Variants in THADA observed in about 807,000 individuals in gnomAD.
The protein encoded by THADA is tRNA (32-2'-O)-methyltransferase regulator THADA.
THADA carries 213 observed loss-of-function variants against 219.8 expected under a neutral mutation model. That is an observed-to-expected ratio of 0.97 (90% CI 0.87 to 1.09). THADA has a LOEUF of 1.09. Among genes scored for constraint, THADA ranks in the 50% least tolerant of loss-of-function variants. THADA has a pLI of 0.00. For missense variants in THADA, 2,956 were observed against 2,311.3 expected (o/e 1.28, Z -5.72); for synonymous variants, 1,018 against 828.9 (o/e 1.23, Z -3.92).
intron 28 of THADA, among the ~76,000 whole-genome samples, chr2:43,403,758 C>G (rs1350978935): frequency 6.6e-6 from 1 of 152,120 alleles, no homozygotes; most frequent in Non-Finnish European, 1.5e-5. Flanking sequence ...CCCTACTTAA[C>G]CAAGCGGTTT....
At chr2:43,402,094 G>C (rs878969443) in intron 28 of THADA, among the ~76,000 whole-genome samples, 6 of 152,106 alleles carry the variant, frequency 3.9e-5, no homozygotes, top group Admixed American at 1.3e-4. Context: ...AACCCTTGTG[G>C]GGGGAGTTTC....
chr2:43,237,743 T>C (rs143853181), intron 36 of THADA, among the ~76,000 whole-genome samples: 18 of 151,770 alleles, frequency 1.2e-4, no homozygotes, highest in African/African-American at 4.3e-4. Flanking sequence ...GAAGAAAACA[T>C]AGAAGTAAAT....
At chr2:43,383,865 T>C (rs903559108) in intron 29 of THADA, among the ~76,000 whole-genome samples, 4 of 152,228 alleles carry the variant, frequency 2.6e-5, no homozygotes, top group Non-Finnish European at 5.9e-5. Flanking sequence ...CTTAAATTTA[T>C]ACAAAAATAC....
chr2:43,375,048 G>GA lies in THADA; in HGVS notation c.4227+22922dup, dbSNP rs957299600. Among the ~76,000 whole-genome samples, 1,427 of 144,952 alleles carry GA rather than the reference G, an allele frequency of 9.8e-3. 30 individuals carry two copies. Among genetic ancestry groups the GA allele is most frequent in the African/African-American group, 0.033 (1,318 of 39,712 alleles). On this transcript the variant is annotated intron_variant, in intron 29 of 37. Transcript: ENST00000405975. ...CTAATAAATGGTCGTGGACCAAAAA[G>GA]AAAAAAAAAACCAGAAAAACTATGC...
intron 31 of THADA, among the ~76,000 whole-genome samples, chr2:43,301,465 G>A (rs1676257966): frequency 6.6e-6 from 1 of 152,148 alleles, no homozygotes; most frequent in African/African-American, 2.4e-5. Flanking sequence ...AATTAGACCT[G>A]GCTTTGCTCT....
In THADA at chr2:43,541,191, C is replaced by T. The variant is rs188031118; in HGVS notation, c.3232G>A (p.Glu1078Lys). 32 of 1,599,116 alleles carry T rather than the reference C, an allele frequency of 2.0e-5. 1 individual carries two copies. The South Asian group carries it at 3.6e-4, about 18-fold the overall frequency. ...CQLLPMQPVP[E>K]SSDGLLTVEQ... ...ACCGTCAATAATCCATCAGAAGATT[C>T]TGGCACAGGCTGCATGGGCAGAAGC... The change falls in exon 21 of 38, where the codon GAA becomes AAA. Residue 1078 changes from glutamate (E) to lysine (K), a missense_variant. Physicochemically the swap from Glu to Lys is moderately conservative, Grantham distance 56 (BLOSUM62 1). Coordinates refer to ENST00000405975, the MANE Select transcript of THADA (RefSeq NM_022065.5).
chr2:43,428,220 T>C lies in THADA; in HGVS notation c.3938A>G (p.Glu1313Gly). 6.3e-7 allele frequency: 1 copy of C among 1,598,616 alleles called. No individual in the cohort carries two copies. The highest frequency in any genetic ancestry group is 8.5e-7 in the Non-Finnish European group (1 of 1,171,256). The change falls in exon 28 of 38, where the codon GAA (glutamate) becomes GGA (glycine). Residue 1313 changes from glutamate (E) to glycine (G), a missense_variant. Glu to Gly is a moderately conservative substitution (Grantham distance 98). Transcript: ENST00000405975. ...VANTVDSDMG[E>G]PNRHPSMFLL... ...AAACATGCTTGGATGACGATTTGGT[T>C]CTCCCATATCACTGAAACAACAATT...
intron 21 of THADA, among the ~76,000 whole-genome samples, chr2:43,533,688 A>G (rs1694187208): frequency 6.6e-6 from 1 of 152,180 alleles, no homozygotes; most frequent in Non-Finnish European, 1.5e-5. Flanking sequence ...GGAGTTGAAC[A>G]ATGAGAACAC....
chr2:43,321,132 G>T (rs572794567), intron 30 of THADA, among the ~76,000 whole-genome samples: 1 of 152,174 alleles, frequency 6.6e-6, no homozygotes, highest in Non-Finnish European at 1.5e-5. Context: ...AGTAGAAATA[G>T]TAAGTGGGCT....
rs192950989 is a variant in THADA, at chr2:43,514,870, A to C, written c.3375-6090T>G. Among the ~76,000 whole-genome samples the C allele has an allele frequency of 1.7e-3, 118 of 71,430 alleles. 14 individuals carry two copies. Among genetic ancestry groups the C allele is most frequent in the African/African-American group, 7.4e-3 (112 of 15,162 alleles). 46.9% of individuals were successfully genotyped at this position (71,430 alleles called of 152,430 possible). ...TAATAATATGTACAATATATATTTT[A>C]TGTATAATATGTATAATATATATTT... On this transcript the variant is annotated intron_variant, in intron 22 of 37. Coordinates refer to ENST00000405975, the MANE Select transcript of THADA (RefSeq NM_022065.5).
chr2:43,505,016 T>C (rs1374848214), intron 24 of THADA, among the ~76,000 whole-genome samples: 2 of 152,030 alleles, frequency 1.3e-5, no homozygotes, highest in Non-Finnish European at 2.9e-5. Flanking sequence ...CTATGAGGAG[T>C]GCTTTAACTT....
chr2:43,256,222 C>A (rs1670294329), intron 36 of THADA, among the ~76,000 whole-genome samples: 1 of 152,144 alleles, frequency 6.6e-6, no homozygotes, highest in South Asian at 2.1e-4. Context: ...CAGAAACCCG[C>A]TTACGTCTGG....
Position 43,592,416 on chromosome 2 carries a change from A to G in THADA, c.-24T>C. 1.3e-6 allele frequency: 2 copies of G among 1,524,418 alleles called. No individual in the cohort carries two copies. The highest frequency in any genetic ancestry group is 2.4e-5 in the South Asian group (2 of 83,918). The allele number at this position is 1,524,418 out of a possible 1,614,324, so 94.4% of individuals were successfully genotyped here. A position where few individuals can be genotyped will look rare whatever the true frequency, so the allele number is the denominator to read the frequency against. On this transcript the variant is annotated splice_region_variant and 5_prime_UTR_variant, in exon 2 of 38. Coordinates refer to ENST00000405975, the MANE Select transcript of THADA (RefSeq NM_022065.5). ...ATTTTAAATAGAATTAATAGTAGTC[A>G]CTGCAAGAAAGAAGACTTTAAGGCA...
rs1558748018 is a variant in THADA, at chr2:43,430,286, ACT to A, written c.3851_3852del (p.Glu1284ValfsTer26). 1.9e-6 allele frequency: 3 copies of A among 1,546,846 alleles called. No homozygotes were observed. The highest frequency in any genetic ancestry group is 2.6e-6 in the Non-Finnish European group (3 of 1,144,686). On this transcript the variant is annotated frameshift_variant, in exon 27 of 38. Coordinates refer to ENST00000405975, the MANE Select transcript of THADA (RefSeq NM_022065.5). LOFTEE classifies it high-confidence loss of function. ...HSKTNRMTGR[E>X]FFSRFPELYP... The stretch of plus-strand genomic sequence containing the variant: ...TAGAGTTCTGGGAAACGAGAGAAAA[ACT>A]CTCTCCCTGTCATTCTGTGAAAGAA...
At chr2:43,326,986 A>G (rs1440806203) in intron 30 of THADA, among the ~76,000 whole-genome samples, 1 of 151,846 alleles carries the variant, frequency 6.6e-6, no homozygotes, top group East Asian at 1.9e-4. Flanking sequence ...AGTACGGGGG[A>G]TATCCTACAT....
At chr2:43,263,480 A>T (rs58839393) in intron 36 of THADA, among the ~76,000 whole-genome samples, 26,053 of 152,066 alleles carry the variant, frequency 0.17, 2,318 homozygotes, top group Middle Eastern at 0.28. Context: ...TTTCCTACCT[A>T]AAATGTTGGG....
At chr2:43,273,618 C>G (rs1672384355) in intron 36 of THADA, among the ~76,000 whole-genome samples, 1 of 152,198 alleles carries the variant, frequency 6.6e-6, no homozygotes, top group South Asian at 2.1e-4. Flanking sequence ...GAAAAAAGCA[C>G]AGGGCCTGCT....
chr2:43,531,858 C>T (rs1693918543), intron 21 of THADA, among the ~76,000 whole-genome samples: 1 of 151,752 alleles, frequency 6.6e-6, no homozygotes, highest in South Asian at 2.1e-4. Context: ...TTTTTCGACT[C>T]ATAATTTTTT....
intron 28 of THADA, among the ~76,000 whole-genome samples, chr2:43,403,678 T>C (rs1311837691): frequency 2.0e-5 from 3 of 152,086 alleles, no homozygotes; most frequent in Admixed American, 1.3e-4. Context: ...GGTGAGGCTA[T>C]ACCATATGCA....
Sources: allele counts gnomAD v4.1 joint callset (sites outside exome capture counted in the v4.1 genomes callset), GRCh38; gene constraint gnomAD v4.1.1; transcripts MANE v1.5; gene names NCBI Gene and HGNC (gene_info 2026-07-23, HGNC 2026-07-21).